DLGAP1: variants seen among roughly 807,000 people sequenced by gnomAD.
DLGAP1 encodes DLG associated protein 1.
Under a neutral mutation model 90.8 loss-of-function variants are expected in DLGAP1, and 11 were observed. The observed-to-expected ratio is 0.12, with a 90% confidence interval of 0.08 to 0.20. DLGAP1 has a LOEUF of 0.20. DLGAP1 is among the 10% of genes least tolerant of loss of function. The pLI, the probability that DLGAP1 is intolerant of heterozygous loss-of-function variation, is 1.00. For synonymous variants in DLGAP1, 558 were observed against 540.7 expected (o/e 1.03, Z -0.44); for missense variants, 1,050 against 1,333.8 (o/e 0.79, Z 3.31).
intron 1 of DLGAP1, among the ~76,000 whole-genome samples, chr18:4,277,268 TG>T (rs1359018118): frequency 6.6e-6 from 1 of 152,220 alleles, no homozygotes; most frequent in Admixed American, 6.5e-5. Flanking sequence ...GATGAATACA[TG>T]GAATTGCATA....
chr18:4,345,539 C>T (rs754385010), intron 1 of DLGAP1, among the ~76,000 whole-genome samples: 5 of 152,166 alleles, frequency 3.3e-5, no homozygotes, highest in Non-Finnish European at 7.4e-5. Context: ...ATTGGTTTTA[C>T]GTGGCAGAAA....
chr18:4,095,266 T>C (rs1280700849), intron 2 of DLGAP1, among the ~76,000 whole-genome samples: 1 of 152,094 alleles, frequency 6.6e-6, no homozygotes, highest in East Asian at 1.9e-4. Flanking sequence ...TAACAAAGTT[T>C]TGGAAAGAGA....
chr18:3,731,218 A>AT (rs2062414762), intron 6 of DLGAP1, among the ~76,000 whole-genome samples: 1 of 152,040 alleles, frequency 6.6e-6, no homozygotes, highest in Non-Finnish European at 1.5e-5. Flanking sequence ...TAATTTATTC[A>AT]TTTTTCCCCT....
intron 5 of DLGAP1, among the ~76,000 whole-genome samples, chr18:3,779,895 T>C (rs1313541977): frequency 6.6e-5 from 10 of 152,020 alleles, no homozygotes; most frequent in African/African-American, 2.4e-4. Context: ...GTTCAAGCGA[T>C]TCTCCTGCCT....
intron 4 of DLGAP1, among the ~76,000 whole-genome samples, chr18:3,842,160 A>G (rs2068754036): frequency 1.3e-5 from 2 of 152,010 alleles, no homozygotes. Context: ...CAGAAGAGAC[A>G]AAGGAGGAAG....
chr18:3,977,434 G>GTTTTTTTT (rs58599574), intron 3 of DLGAP1, among the ~76,000 whole-genome samples: 239 of 95,266 alleles, frequency 2.5e-3, no homozygotes, highest in Middle Eastern at 8.2e-3. Context: ...TTTATTCTGT[G>GTTTTTTTT]TTTTTTTTTT....
intron 2 of DLGAP1, among the ~76,000 whole-genome samples, chr18:4,068,753 G>C (rs1197538127): frequency 3.3e-5 from 5 of 152,224 alleles, no homozygotes; most frequent in African/African-American, 7.2e-5. Context: ...GCCATCTGCT[G>C]TGTGTTGGTA....
intron 1 of DLGAP1, among the ~76,000 whole-genome samples, chr18:4,346,818 C>A (rs1332688373): frequency 6.6e-6 from 1 of 151,814 alleles, no homozygotes; most frequent in Non-Finnish European, 1.5e-5. Context: ...ACATTTCTAG[C>A]TAAATAAATA....
At chr18:4,356,881 T>C (rs927643321) in intron 1 of DLGAP1, among the ~76,000 whole-genome samples, 10 of 152,182 alleles carry the variant, frequency 6.6e-5, no homozygotes, top group Non-Finnish European at 1.0e-4. Context: ...CCTTGGTCTT[T>C]CTAGGACGTG....
chr18:3,582,123 C>G lies in DLGAP1; in HGVS notation c.1717G>C (p.Gly573Arg). The G allele has an allele frequency of 1.2e-6, 2 of 1,613,856 alleles. No homozygotes were observed. The highest frequency in any genetic ancestry group is 1.7e-6 in the Non-Finnish European group (2 of 1,180,000). Residue 573 changes from glycine (G) to arginine (R), a missense_variant, in exon 8 of 13, where the codon GGA becomes CGA. Physicochemically the swap from Gly to Arg is moderately radical, Grantham distance 125. Around this residue, in one of 2 missense-constraint regions of DLGAP1, gnomAD observed 565 missense variants for 879.7 expected, o/e 0.64. Coordinates refer to ENST00000315677, the MANE Select transcript of DLGAP1 (RefSeq NM_004746.4). ...ATAATATCTCCTCGCTGGCCCTGTC[C>G]GTCCATGTAGGCATCCTGGGCTGAC... Reference protein sequence around the residue: ...TESAQDAYMDGQGQRGDIISQ... With the variant: ...TESAQDAYMDRQGQRGDIISQ...
intron 1 of DLGAP1, among the ~76,000 whole-genome samples, chr18:4,249,120 A>G (rs187519991): frequency 6.6e-6 from 1 of 152,146 alleles, no homozygotes; most frequent in Non-Finnish European, 1.5e-5. Flanking sequence ...ATTTCTCTCC[A>G]TTGTACTCCT....
intron 1 of DLGAP1, among the ~76,000 whole-genome samples, chr18:4,363,849 G>A (rs1438201365): frequency 4.9e-5 from 7 of 142,232 alleles, no homozygotes; most frequent in African/African-American, 1.5e-4. Flanking sequence ...TCACTGTGGC[G>A]ATTCCTCAGG....
At chr18:4,076,253 A>C (rs898203832) in intron 2 of DLGAP1, among the ~76,000 whole-genome samples, 2 of 152,324 alleles carry the variant, frequency 1.3e-5, no homozygotes, top group South Asian at 4.1e-4. Context: ...TAGCAAGTAC[A>C]TTTGATTAAA....
chr18:3,580,463 C>T (rs2055424782), intron 8 of DLGAP1: 26 of 1,611,454 alleles, frequency 1.6e-5, no homozygotes, highest in South Asian at 1.4e-4. Context: ...CTCCCTCAGC[C>T]GCCACCTCTT....
intron 8 of DLGAP1, among the ~76,000 whole-genome samples, chr18:3,574,459 A>G (rs185807210): frequency 6.6e-6 from 1 of 152,178 alleles, no homozygotes; most frequent in African/African-American, 2.4e-5. Flanking sequence ...CCGTAATCCA[A>G]ATGTTATTTA....
At chr18:4,348,326 T>C (rs2081338251) in intron 1 of DLGAP1, among the ~76,000 whole-genome samples, 1 of 151,426 alleles carries the variant, frequency 6.6e-6, no homozygotes, top group African/African-American at 2.4e-5. Context: ...GAGTTACAAG[T>C]AATGGAAGGG....
intron 9 of DLGAP1, among the ~76,000 whole-genome samples, chr18:3,566,881 C>G (rs1487776070): frequency 6.6e-6 from 1 of 152,102 alleles, no homozygotes; most frequent in Non-Finnish European, 1.5e-5. Context: ...TCACATGCCT[C>G]TCTCCATCAG....
chr18:3,847,878 A>T (rs2069104715), intron 4 of DLGAP1, among the ~76,000 whole-genome samples: 1 of 152,152 alleles, frequency 6.6e-6, no homozygotes, highest in Non-Finnish European at 1.5e-5. Flanking sequence ...AGGGCCAGGC[A>T]CGGTGTCTCA....
At chr18:4,002,551 T>C (rs1200160527) in intron 3 of DLGAP1, among the ~76,000 whole-genome samples, 2 of 132,754 alleles carry the variant, frequency 1.5e-5, no homozygotes, top group Non-Finnish European at 3.4e-5. Flanking sequence ...TTAATAACAC[T>C]TTTTTTCCTC....
Sources: gnomAD v4.1 joint callset for allele counts (sites outside exome capture counted in the v4.1 genomes callset) on GRCh38, gnomAD v4.1.1 for gene constraint, gnomAD v4.1.1 regional missense constraint, MANE v1.5 for transcripts, NCBI Gene and HGNC (gene_info 2026-07-23, HGNC 2026-07-21) for gene names.